PRDM7: variants seen among roughly 807,000 people sequenced by gnomAD.
PRDM7 encodes the protein histone-lysine N-methyltransferase PRDM7.
A neutral mutation model predicts 64.3 loss-of-function variants in PRDM7; 52 were observed. The observed-to-expected ratio is 0.81, with a 90% CI of 0.65 to 1.02. PRDM7 has a LOEUF of 1.02. PRDM7 is among the 50% of genes least tolerant of loss of function. PRDM7 has a pLI of 0.00. For missense variants in PRDM7, 574 were observed against 597.1 expected (o/e 0.96, Z 0.40); for synonymous variants, 192 against 210.1 (o/e 0.91, Z 0.74).
Position 90,060,337 on chromosome 16 carries a change from C to T in PRDM7, c.1233+4G>A. 6.2e-7 allele frequency: 1 copy of T among 1,613,952 alleles called. No homozygotes were observed. The highest frequency in any genetic ancestry group is 1.1e-5 in the South Asian group (1 of 91,078). On this transcript the variant is annotated splice_donor_region_variant and intron_variant, in intron 10 of 10. Coordinates refer to ENST00000449207, the MANE Select transcript of PRDM7 (RefSeq NM_001098173.2). Reference sequence around the variant, plus strand: ...CCTTTTAAAAGAGTAATAGTGATGCCTACCTCTCCCTGCCATGAGCTCTTT... The same window carrying T: ...CCTTTTAAAAGAGTAATAGTGATGCTTACCTCTCCCTGCCATGAGCTCTTT...
intron 4 of PRDM7, among the ~76,000 whole-genome samples, chr16:90,071,225 G>A (rs563509333): frequency 3.3e-5 from 5 of 151,926 alleles, no homozygotes; most frequent in African/African-American, 1.2e-4. Flanking sequence ...TCTGTCTCCC[G>A]GGTTCAAGTG....
At position 90,065,265 on chromosome 16, in the gene PRDM7, C is replaced by T. The variant is rs549057349; in HGVS notation, c.352-1497G>A. 8.1e-5 allele frequency among the ~76,000 whole-genome samples: 12 copies of T among 148,378 alleles called. 1 individual carries two copies. The highest frequency in any genetic ancestry group is 2.0e-4 in the Admixed American group (3 of 14,996). On this transcript the variant is annotated intron_variant, in intron 5 of 10. Transcript: ENST00000449207. ...AAAACTAGCCGGGTGTGGTGGCGGG[C>T]GCCTGTAATCCCAGCTACTCGGGAG...
intron 4 of PRDM7, among the ~76,000 whole-genome samples, chr16:90,068,363 T>C (rs2037908073): frequency 6.6e-6 from 1 of 151,034 alleles, no homozygotes; most frequent in Non-Finnish European, 1.5e-5. Flanking sequence ...GGGCTGGGCA[T>C]GGTGGCTCAA....
intron 4 of PRDM7, among the ~76,000 whole-genome samples, chr16:90,068,483 A>C (rs1372465521): frequency 6.7e-6 from 1 of 148,218 alleles, no homozygotes; most frequent in Non-Finnish European, 1.5e-5. Flanking sequence ...AAAATACAAA[A>C]AATTAGCTGG....
rs535649544 is a variant in PRDM7, at chr16:90,060,516, A to G, written c.1058T>C (p.Leu353Pro). Residue 353 changes from leucine to proline, a missense_variant, in exon 10 of 11, where the codon CTG (leucine) becomes CCG (proline). Coordinates refer to ENST00000449207, the MANE Select transcript of PRDM7 (RefSeq NM_001098173.2). ...TCRVIRPGCE[L>P]LVWSGDEYGQ... The stretch of plus-strand genomic sequence containing the variant: ...ATACTCATCCCCAGACCAGACCAGC[A>G]GTTCACAGCCTGGCCTAATGACTCG... 33 of 1,613,894 alleles carry G rather than the reference A, an allele frequency of 2.0e-5. No homozygotes were observed. The East Asian group carries it at 7.1e-4, about 35-fold the overall frequency.
In PRDM7 at chr16:90,061,952, TC is replaced by T. The variant is rs1334365651; in HGVS notation, c.850del (p.Glu284LysfsTer11). The T allele has an allele frequency of 3.1e-6, 5 of 1,614,146 alleles. No individual in the cohort carries two copies. The highest frequency in any genetic ancestry group is 4.2e-6 in the Non-Finnish European group (5 of 1,180,050). ...GPYEGRITED[E>X]EAANSGYSWL... Reference sequence around the variant, plus strand: ...GGAATATCCACTGTTGGCTGCCTCTTCGTCTTCTGTAATTCGGCCCTCATAG... The same window carrying T: ...GGAATATCCACTGTTGGCTGCCTCTTGTCTTCTGTAATTCGGCCCTCATAG... On this transcript the variant is annotated frameshift_variant, in exon 8 of 11. Transcript: ENST00000449207. LOFTEE classifies it high-confidence loss of function.
chr16:90,063,530 T>C, intron 6 of PRDM7, 82 bp downstream of exon 6: 3 of 1,510,850 alleles, frequency 2.0e-6, no homozygotes, highest in Non-Finnish European at 2.7e-6. Context: ...CTATCCAAAG[T>C]CCACCCCACA....
rs1426356183 is a variant in PRDM7 at position 90,068,119 on chromosome 16, A to G, written c.302-1209T>C. Among the ~76,000 whole-genome samples the G allele has an allele frequency of 4.6e-5, 7 of 150,906 alleles. 1 individual carries two copies. The highest frequency in any genetic ancestry group is 4.9e-5 in the African/African-American group (2 of 40,432). ...GACATGATCTTACATGCAGAAAACTATAATGATTCATTAGCTGGGCATGGT... is the reference window on the plus strand; with the variant it reads ...GACATGATCTTACATGCAGAAAACTGTAATGATTCATTAGCTGGGCATGGT... On this transcript the variant is annotated intron_variant, in intron 4 of 10. Transcript: ENST00000449207.
chr16:90,059,803 G>T (rs111434901), intron 10 of PRDM7, among the ~76,000 whole-genome samples: 1 of 152,200 alleles, frequency 6.6e-6, no homozygotes, highest in Non-Finnish European at 1.5e-5. Flanking sequence ...ACTAATCGCC[G>T]TCTGATATTA....
rs1465445249 is a variant in PRDM7, at chr16:90,057,886, G to T, written c.*403C>A. 7 of 1,526,104 alleles carry T rather than the reference G, an allele frequency of 4.6e-6. No individual in the cohort carries two copies. In the African/African-American group the frequency reaches 8.2e-5, roughly 18 times the overall value. The allele number at this position is 1,526,104 out of a possible 1,614,324, so 94.5% of individuals were successfully genotyped here. ...GGGCGTCTCCCCTGTGTGTCCTCTG[G>T]TGAATGAGGAGGACTGACTTCCGGC... On this transcript the variant is annotated 3_prime_UTR_variant, in exon 11 of 11. Transcript: ENST00000449207.
At position 90,063,640 on chromosome 16, in the gene PRDM7, G is replaced by C; in HGVS notation, c.480C>G (p.Thr160=). ...GTTTTAGTCTAGAGTGCTGTCCAGA[G>C]GTACTTGCTTCTCCAGGAGGGGACA... is the stretch of plus-strand genomic sequence containing the variant. ...KPVSPPGEAS[T]SGQHSRLKLE... Residue 160 remains threonine, a synonymous_variant, in exon 6 of 11, where the codon ACC becomes ACG. Transcript: ENST00000449207. The C allele has an allele frequency of 6.2e-7, 1 of 1,613,794 alleles. No individual in the cohort carries two copies. Among genetic ancestry groups the C allele is most frequent in the Non-Finnish European group, 8.5e-7 (1 of 1,180,014 alleles).
intron 1 of PRDM7, among the ~76,000 whole-genome samples, chr16:90,076,397 A>G (rs1325564449): frequency 6.6e-6 from 1 of 152,134 alleles, no homozygotes; most frequent in Non-Finnish European, 1.5e-5. Flanking sequence ...GCGAGGCAAA[A>G]TGAACATTTT....
chr16:90,071,645 G>C (rs558756980), intron 4 of PRDM7, among the ~76,000 whole-genome samples: 2 of 152,234 alleles, frequency 1.3e-5, no homozygotes, highest in African/African-American at 4.8e-5. Context: ...ACCCACTCCT[G>C]TGATAATGGC....
intron 8 of PRDM7, 36 bp downstream of exon 8, chr16:90,061,885 G>T: frequency 6.2e-7 from 1 of 1,613,840 alleles, no homozygotes; most frequent in Non-Finnish European, 8.5e-7. Flanking sequence ...AGGGATGTGG[G>T]AAGACAGAAC....
At chr16:90,073,941 C>G (rs1212589934) in intron 4 of PRDM7, among the ~76,000 whole-genome samples, 1 of 151,714 alleles carries the variant, frequency 6.6e-6, no homozygotes, top group Admixed American at 6.6e-5. Flanking sequence ...CATCACCATG[C>G]CCAGCTATCT....
chr16:90,063,918 G>T, intron 5 of PRDM7, 150 bp from the exon 6 acceptor site: 2 of 1,006,618 alleles, frequency 2.0e-6, no homozygotes, highest in Non-Finnish European at 2.9e-6. Context: ...CAAGGTCTAA[G>T]TGGGTAGTGA....
chr16:90,060,367 C>T lies in PRDM7; in HGVS notation c.1207G>A (p.Gly403Arg). The T allele has an allele frequency of 1.2e-6, 2 of 1,613,938 alleles. No homozygotes were observed. Among genetic ancestry groups the T allele is most frequent in the Admixed American group, 1.7e-5 (1 of 60,012 alleles). ...TCTCCCTGCCATGAGCTCTTTCTTC[C>T]ACTTGCTGCCCCACTTGATGCCCAG... is the stretch of plus-strand genomic sequence containing the variant. ...RNWASSGAAS[G>R]RKSSWQGENQ... Residue 403 changes from glycine to arginine, a missense_variant, in exon 10 of 11, where the codon GGA becomes AGA. Gly to Arg is a moderately radical substitution (Grantham distance 125, BLOSUM62 -2). Transcript: ENST00000449207.
intron 6 of PRDM7, 59 bp from the exon 7 acceptor site, chr16:90,062,561 C>A (rs1164553470): frequency 7.1e-7 from 1 of 1,407,358 alleles, no homozygotes; most frequent in Non-Finnish European, 1.0e-6. Context: ...GTCCTTGTTT[C>A]ATAAGAAAAT....
intron 6 of PRDM7, 117 bp from the exon 7 acceptor site, chr16:90,062,619 A>G: frequency 1.1e-6 from 1 of 929,534 alleles, no homozygotes; most frequent in South Asian, 1.3e-5. Flanking sequence ...TACATACTCT[A>G]GTCTCCCTCT....
Sources: gnomAD v4.1 joint callset for allele counts (sites outside exome capture counted in the v4.1 genomes callset) on GRCh38, gnomAD v4.1.1 for gene constraint, MANE v1.5 for transcripts, NCBI Gene and HGNC (gene_info 2026-07-23, HGNC 2026-07-21) for gene names.